The following FASTKD1 variants were observed in gnomAD, a reference collection of about 807,000 sequenced individuals.
The protein encoded by FASTKD1 is FAST kinase domain-containing protein 1, mitochondrial.
In FASTKD1, 94 loss-of-function variants were observed where a neutral mutation model predicts 90.9. The ratio of observed to expected loss-of-function variants is 1.03; its 90% CI spans 0.88 to 1.23. FASTKD1 has a LOEUF of 1.23. Among genes scored for constraint, FASTKD1 ranks in the 50% most tolerant of loss-of-function variants. FASTKD1 has a pLI of 0.00. For synonymous variants in FASTKD1, 319 were observed against 345.8 expected (o/e 0.92, Z 0.86); for missense variants, 945 against 993.5 (o/e 0.95, Z 0.66).
intron 3 of FASTKD1, among the ~76,000 whole-genome samples, chr2:169,565,293 C>T (rs2460864): frequency 0.5 from 54,261 of 108,982 alleles, 13,568 homozygotes; most frequent in Middle Eastern, 0.63. Context: ...GAGGGAGTCT[C>T]GCTCTGTCAC....
At chr2:169,552,914 C>T (rs764589746) in intron 7 of FASTKD1, among the ~76,000 whole-genome samples, 2 of 151,980 alleles carry the variant, frequency 1.3e-5, no homozygotes, top group African/African-American at 2.4e-5. Flanking sequence ...TTCTTAAAAA[C>T]ATAAAACATA....
At position 169,563,271 on chromosome 2, in the gene FASTKD1, T is replaced by C. The variant is rs1458029942; in HGVS notation, c.526A>G (p.Ile176Val). 1.2e-6 allele frequency: 2 copies of C among 1,612,184 alleles called. No individual in the cohort carries two copies. Among genetic ancestry groups the C allele is most frequent in the East Asian group, 2.2e-5 (1 of 44,808 alleles). ...HLYFSPLMGK[I>V]ADIVHRNLET... ...AAGTTCCTATGAACAATATCAGCTA[T>C]TTTTCCCATTAATGGACTAAAATAC... Residue 176 changes from isoleucine to valine, a missense_variant, in exon 4 of 15, where the codon ATA becomes GTA. Coordinates refer to ENST00000453153, the MANE Select transcript of FASTKD1 (RefSeq NM_024622.6).
chr2:169,562,768 T>C (rs1312529483), intron 4 of FASTKD1, among the ~76,000 whole-genome samples: 1 of 152,106 alleles, frequency 6.6e-6, no homozygotes, highest in Non-Finnish European at 1.5e-5. Flanking sequence ...TGCTTTATTA[T>C]AAAAGATTCA....
At chr2:169,562,005 A>ATTAATTTATTGTAAATTAATTATTTG in intron 4 of FASTKD1, among the ~76,000 whole-genome samples, 1 of 102,384 alleles carries the variant, frequency 9.8e-6, no homozygotes, top group East Asian at 2.7e-4. Flanking sequence ...TTAATTATTC[A>ATTAATTTATTGTAAATTAATTATTTG]TTAATTTATT....
intron 3 of FASTKD1, among the ~76,000 whole-genome samples, chr2:169,566,199 C>T (rs1001956018): frequency 3.3e-5 from 5 of 152,074 alleles, no homozygotes; most frequent in East Asian, 1.9e-4. Context: ...AAACTACAAG[C>T]GTGTGCCACC....
intron 9 of FASTKD1, among the ~76,000 whole-genome samples, chr2:169,543,283 G>A (rs1685037314): frequency 6.6e-6 from 1 of 152,126 alleles, no homozygotes. Flanking sequence ...GACCAACATG[G>A]AGAAACCCCG....
chr2:169,568,628 T>TAAAAAAAAAAAA (rs10618482), intron 3 of FASTKD1, among the ~76,000 whole-genome samples: 9 of 41,540 alleles, frequency 2.2e-4, no homozygotes, highest in Non-Finnish European at 3.9e-4. Context: ...CCCTGTCCAT[T>TAAAAAAAAAAAA]AAAAAAAAAA....
chr2:169,564,952 CTTTTT>C (rs557658819), intron 3 of FASTKD1, among the ~76,000 whole-genome samples: 1 of 109,012 alleles, frequency 9.2e-6, no homozygotes, highest in Non-Finnish European at 1.9e-5. Flanking sequence ...CCACATTTTT[CTTTTT>C]TTTTTTTTTT....
chr2:169,562,389 T>G (rs1424936417), intron 4 of FASTKD1, among the ~76,000 whole-genome samples: 1 of 151,860 alleles, frequency 6.6e-6, no homozygotes, highest in Non-Finnish European at 1.5e-5. Flanking sequence ...CCCGCCACCA[T>G]GCCCAGCTAA....
intron 4 of FASTKD1, among the ~76,000 whole-genome samples, chr2:169,561,335 G>A (rs1453696279): frequency 6.6e-6 from 1 of 151,304 alleles, no homozygotes. Flanking sequence ...AGAAGAGCAG[G>A]AAACTACTAT....
intron 6 of FASTKD1, 117 bp from the exon 7 acceptor site, chr2:169,555,372 G>T: frequency 1.2e-6 from 1 of 801,554 alleles, no homozygotes; most frequent in Non-Finnish European, 2.0e-6. Flanking sequence ...AATGAGATGA[G>T]ATTCTCTATT....
In FASTKD1 at chr2:169,530,574, G is replaced by A. The variant is rs116654237; in HGVS notation, c.2442+13C>T. 3.4e-4 allele frequency: 505 copies of A among 1,473,472 alleles called. No individual in the cohort carries two copies. In the African/African-American group the frequency reaches 6.6e-3, roughly 19 times the overall value. 91.3% of individuals were successfully genotyped at this position (1,473,472 alleles called of 1,614,324 possible). ...GGGCTTTTTAGAGGCTGAATTACAT[G>A]AGTATTTCATACCTGAATTACACGA... is the stretch of plus-strand genomic sequence containing the variant. On this transcript the variant is annotated intron_variant, in intron 14 of 14. Coordinates refer to ENST00000453153, the MANE Select transcript of FASTKD1 (RefSeq NM_024622.6).
chr2:169,538,036 C>G lies in FASTKD1; in HGVS notation c.2051G>C (p.Arg684Pro). ...ACCTTTATTATATTGTTGACAGAAG[C>G]GGTCATGAAACCATGGAATCTGAAA... is the stretch of plus-strand genomic sequence containing the variant. Reference protein sequence around the residue: ...PEFQIPWFHDRFCQQYNKGIG... With the variant: ...PEFQIPWFHDPFCQQYNKGIG... Residue 684 changes from arginine to proline, a missense_variant, in exon 11 of 15, where the codon CGC (arginine) becomes CCC (proline). By Grantham distance (103) the Arg-to-Pro change is moderately radical. Transcript: ENST00000453153. 6.2e-7 allele frequency: 1 copy of G among 1,605,846 alleles called. No individual in the cohort carries two copies. Among genetic ancestry groups the G allele is most frequent in the African/African-American group, 1.3e-5 (1 of 74,466 alleles).
At chr2:169,560,044 T>C (rs1683506939) in intron 5 of FASTKD1, among the ~76,000 whole-genome samples, 2 of 152,162 alleles carry the variant, frequency 1.3e-5, no homozygotes, top group African/African-American at 2.4e-5. Flanking sequence ...ACTATAATTC[T>C]AAATATTCCA....
chr2:169,533,693 T>C (rs1451207370), intron 12 of FASTKD1, among the ~76,000 whole-genome samples: 1 of 152,174 alleles, frequency 6.6e-6, no homozygotes, highest in African/African-American at 2.4e-5. Flanking sequence ...CAAAAAAATC[T>C]TACAGATTGA....
Position 169,569,166 on chromosome 2 carries a change from T to C in FASTKD1, c.446+18A>G. The C allele has an allele frequency of 6.2e-7, 1 of 1,608,082 alleles. No individual in the cohort carries two copies. The highest frequency in any genetic ancestry group is 8.5e-7 in the Non-Finnish European group (1 of 1,174,514). ...AAAAGAATAACCCTGATCTTCAAGATGAACCCAGGGTACTTGCCTTTCTAG... is the reference window on the plus strand; with the variant it reads ...AAAAGAATAACCCTGATCTTCAAGACGAACCCAGGGTACTTGCCTTTCTAG... On this transcript the variant is annotated intron_variant, in intron 3 of 14. Coordinates refer to ENST00000453153, the MANE Select transcript of FASTKD1 (RefSeq NM_024622.6).
chr2:169,553,012 G>C (rs535279594), intron 7 of FASTKD1, among the ~76,000 whole-genome samples: 2 of 152,082 alleles, frequency 1.3e-5, no homozygotes, highest in Admixed American at 6.6e-5. Flanking sequence ...ATCAAGATAA[G>C]CCTGGCCAAC....
Position 169,563,316 on chromosome 2 carries a change from A to C in FASTKD1, c.481T>G (p.Cys161Gly). ...DIKLLSEFSSCLADQHLYFSP... is the reference protein window; with the variant it reads ...DIKLLSEFSSGLADQHLYFSP... ...AAATACAAATGCTGATCTGCTAGGC[A>C]AGAGGAAAATTCTGAGAGCAGTTTA... is the stretch of plus-strand genomic sequence containing the variant. The change falls in exon 4 of 15, where the codon TGC becomes GGC. Residue 161 changes from cysteine to glycine, a missense_variant. By Grantham distance (159) the Cys-to-Gly change is radical. Transcript: ENST00000453153. 1 of 1,609,914 alleles carries C rather than the reference A, an allele frequency of 6.2e-7. No homozygotes were observed. Among genetic ancestry groups the C allele is most frequent in the Non-Finnish European group, 8.5e-7 (1 of 1,176,712 alleles).
At chr2:169,553,827 C>T (rs539831895) in intron 7 of FASTKD1, among the ~76,000 whole-genome samples, 25 of 152,112 alleles carry the variant, frequency 1.6e-4, no homozygotes, top group African/African-American at 6.0e-4. Context: ...GAGGCTGAGG[C>T]AGGAGAATGG....
Sources: allele counts gnomAD v4.1 joint callset (sites outside exome capture counted in the v4.1 genomes callset), GRCh38; gene constraint gnomAD v4.1.1; transcripts MANE v1.5; gene names NCBI Gene and HGNC (gene_info 2026-07-23, HGNC 2026-07-21).